Variants in POC1B observed in about 807,000 individuals in gnomAD.
POC1B encodes the protein POC1 centriolar protein B, also known as POC1 centriolar protein homolog B.
In POC1B, 44 loss-of-function variants were observed where a neutral mutation model predicts 60.6. The observed-to-expected ratio is 0.73, with a 90% CI of 0.57 to 0.93. The LOEUF is 0.93. Among genes scored for constraint, POC1B ranks in the 40% least tolerant of loss-of-function variants. The probability of loss-of-function intolerance (pLI) is 0.00; values close to 1 mark genes in which losing one functional copy is unlikely to be tolerated. For missense variants in POC1B, 555 were observed against 572.3 expected, an observed-to-expected ratio of 0.97 and a Z score of 0.31; for synonymous variants, 180 against 198.9, an observed-to-expected ratio of 0.90 and a Z score of 0.80.
At chr12:89,507,338 C>G (rs889310200) in intron 2 of POC1B, among the ~76,000 whole-genome samples, 1 of 146,768 alleles carries the variant, frequency 6.8e-6, no homozygotes, top group Non-Finnish European at 1.5e-5. Flanking sequence ...CCTTAACCTT[C>G]TTTCTTAGGA....
downstream of POC1B, among the ~76,000 whole-genome samples, chr12:89,416,930 A>G (rs1422222646): frequency 6.6e-6 from 1 of 152,244 alleles, no homozygotes; most frequent in African/African-American, 2.4e-5. Flanking sequence ...TAAAGGACCC[A>G]GAGGTCCTAT....
At chr12:89,501,145 G>A (rs1869545475) in intron 2 of POC1B, 8 of 1,402,954 alleles carry the variant, frequency 5.7e-6, no homozygotes, top group Admixed American at 3.4e-5. Context: ...AAAGTCAAGA[G>A]AAAAGCATCA....
chr12:89,442,582 CT>C (rs935614804), intron 10 of POC1B, among the ~76,000 whole-genome samples: 1 of 152,196 alleles, frequency 6.6e-6, no homozygotes, highest in African/African-American at 2.4e-5. Flanking sequence ...CCAGGCCTGC[CT>C]TACAAGAGCT....
chr12:89,525,967 G>A lies in POC1B; in HGVS notation c.-72C>T, dbSNP rs571078499. The A allele has an allele frequency of 5.2e-6, 8 of 1,546,050 alleles. No individual in the cohort carries two copies. In the Middle Eastern group the frequency reaches 1.2e-3, roughly 229 times the overall value. ...GAGGGGAGGGGAGAGGATGGGGAAG[G>A]AGAGGGGACCGTGCGGCTCCCGGAA... On this transcript the variant is annotated 5_prime_UTR_variant, in exon 1 of 12. Transcript: ENST00000313546.
intron 6 of POC1B, among the ~76,000 whole-genome samples, chr12:89,471,143 T>C (rs2120847917): frequency 6.6e-6 from 1 of 152,336 alleles, no homozygotes; most frequent in East Asian, 1.9e-4. Context: ...TAGTAAACAC[T>C]GGAAAAGCTA....
chr12:89,483,712 T>C (rs1262813954), intron 4 of POC1B, among the ~76,000 whole-genome samples: 2 of 152,154 alleles, frequency 1.3e-5, no homozygotes, highest in African/African-American at 4.8e-5. Context: ...TCTGCCAAAC[T>C]AGAATTCTAC....
At chr12:89,467,308 C>G (rs1882720337) in intron 8 of POC1B, among the ~76,000 whole-genome samples, 1 of 152,004 alleles carries the variant, frequency 6.6e-6, no homozygotes, top group Non-Finnish European at 1.5e-5. Flanking sequence ...TTACCATCCT[C>G]AAGAAGCTTA....
chr12:89,500,416 C>T, intron 2 of POC1B: 1 of 1,521,112 alleles, frequency 6.6e-7, no homozygotes, highest in Non-Finnish European at 9.1e-7. Context: ...AAGCCACCAA[C>T]AGATCAGTTC....
At chr12:89,501,310 T>C in intron 2 of POC1B, 1 of 1,003,358 alleles carries the variant, frequency 1.0e-6, no homozygotes, top group South Asian at 1.3e-5. Flanking sequence ...ATATGAAATG[T>C]ATTCCAAGAA....
intron 9 of POC1B, among the ~76,000 whole-genome samples, chr12:89,463,096 G>A (rs1355474017): frequency 6.6e-6 from 1 of 152,100 alleles, no homozygotes; most frequent in Non-Finnish European, 1.5e-5. Flanking sequence ...ATCATGGTCA[G>A]ACTATCACAA....
rs1555182315 is a variant in POC1B at position 89,464,489 on chromosome 12, T to TTTC, written c.1032+2280_1032+2281insGAA. ...CCTTGACTTTTTTATAAGAGTTTTT[T>TTTC]TTTTTTTTTTTTTTTTGAGACGGAG... On this transcript the variant is annotated intron_variant, in intron 9 of 11. Coordinates refer to ENST00000313546, the MANE Select transcript of POC1B (RefSeq NM_172240.3). 1.4e-5 allele frequency among the ~76,000 whole-genome samples: 2 copies of TTTC among 141,056 alleles called. 1 individual carries two copies. Among genetic ancestry groups the TTTC allele is most frequent in the African/African-American group, 5.3e-5 (2 of 37,472 alleles). The allele number at this position is 141,056 out of a possible 152,430, so 92.5% of individuals were successfully genotyped here.
intron 10 of POC1B, among the ~76,000 whole-genome samples, chr12:89,432,694 A>C (rs1183828717): frequency 6.6e-6 from 1 of 152,240 alleles, no homozygotes; most frequent in African/African-American, 2.4e-5. Context: ...TGCAAATTTT[A>C]TGGAGAAGTG....
intron 2 of POC1B, among the ~76,000 whole-genome samples, chr12:89,513,827 G>A (rs1038370732): frequency 6.6e-6 from 1 of 152,188 alleles, no homozygotes; most frequent in African/African-American, 2.4e-5. Flanking sequence ...TGTGAACCCT[G>A]CTGTGAAAAT....
At chr12:89,522,667 C>T in intron 2 of POC1B, 4 of 1,059,630 alleles carry the variant, frequency 3.8e-6, no homozygotes, top group Non-Finnish European at 5.1e-6. Flanking sequence ...GTGTGATATA[C>T]CAAAATGAAC....
chr12:89,523,726 A>G lies in POC1B; in HGVS notation c.100+1394T>C. 6.5e-7 allele frequency: 1 copy of G among 1,549,072 alleles called. No homozygotes were observed. The highest frequency in any genetic ancestry group is 8.7e-7 in the Non-Finnish European group (1 of 1,155,166). On this transcript the variant is annotated intron_variant, in intron 2 of 11. Transcript: ENST00000313546. ...TGTTAAACGCCAGTCAAACCCACCA[A>G]TCATGGGCTCCCCTATCTGCATATA... is the stretch of plus-strand genomic sequence containing the variant.
chr12:89,471,781 T>C (rs755045566), intron 5 of POC1B, 52 bp from the exon 6 acceptor site: 2 of 1,223,740 alleles, frequency 1.6e-6, no homozygotes, highest in African/African-American at 1.6e-5. Flanking sequence ...TTTTTTTTTT[T>C]TTTGAGACGG....
chr12:89,473,229 T>A (rs1424492547), intron 4 of POC1B, among the ~76,000 whole-genome samples: 4 of 152,242 alleles, frequency 2.6e-5, no homozygotes, highest in Admixed American at 2.6e-4. Flanking sequence ...GTGTGGAATA[T>A]AATTGAAGAT....
chr12:89,507,000 G>T (rs1308591540), intron 2 of POC1B, among the ~76,000 whole-genome samples: 1 of 152,062 alleles, frequency 6.6e-6, no homozygotes, highest in African/African-American at 2.4e-5. Flanking sequence ...GAAAATAGGA[G>T]GGAGTTAATA....
intron 10 of POC1B, among the ~76,000 whole-genome samples, chr12:89,455,360 A>C (rs921643460): frequency 2.0e-5 from 3 of 152,140 alleles, no homozygotes; most frequent in Non-Finnish European, 2.9e-5. Flanking sequence ...AAAAAGAAAA[A>C]AAGAACTGGT....
Sources: gnomAD v4.1 joint callset for allele counts (sites outside exome capture counted in the v4.1 genomes callset) on GRCh38, gnomAD v4.1.1 for gene constraint, MANE v1.5 for transcripts, NCBI Gene and HGNC (gene_info 2026-07-23, HGNC 2026-07-21) for gene names.